Variants in SHANK2 observed in about 807,000 individuals in gnomAD.
SHANK2 encodes the protein SH3 and multiple ankyrin repeat domains protein 2.
SHANK2 carries 43 observed loss-of-function variants against 133.7 expected under a neutral mutation model. That is an observed-to-expected ratio of 0.32 (90% CI 0.25 to 0.41). The LOEUF is 0.41. Among genes scored for constraint, SHANK2 ranks in the 10% least tolerant of loss-of-function variants. The probability of loss-of-function intolerance (pLI) is 1.00; values close to 1 mark genes in which losing one functional copy is unlikely to be tolerated. For missense variants in SHANK2, 1,994 were observed against 2,235.8 expected (o/e 0.89, Z 2.18); for synonymous variants, 1,017 against 952.8 (o/e 1.07, Z -1.24).
intron 2 of SHANK2, among the ~76,000 whole-genome samples, chr11:71,179,939 G>A (rs1016459157): frequency 6.6e-6 from 1 of 152,146 alleles, no homozygotes; most frequent in African/African-American, 2.4e-5. Context: ...CAGATGACTC[G>A]ATAACCGAGG....
At chr11:71,129,509 A>G (rs73521200) in intron 3 of SHANK2, among the ~76,000 whole-genome samples, 7,457 of 152,172 alleles carry the variant, frequency 0.049, 555 homozygotes, top group African/African-American at 0.17. Flanking sequence ...GCCAGGCATG[A>G]TGGTACGTGT....
chr11:70,861,987 G>C (rs1208350076), intron 11 of SHANK2, among the ~76,000 whole-genome samples: 3 of 151,372 alleles, frequency 2.0e-5, no homozygotes, highest in African/African-American at 7.3e-5. Flanking sequence ...AGGGGGCAGG[G>C]GCAAAAAAAA....
chr11:70,599,893 G>GAAAGAAAGAA (rs1565166153), intron 17 of SHANK2, among the ~76,000 whole-genome samples: 3,927 of 92,306 alleles, frequency 0.043, 310 homozygotes, highest in Middle Eastern at 0.049. Context: ...GAAAGAAAAA[G>GAAAGAAAGAA]AAAGAAAGAA....
intron 17 of SHANK2, among the ~76,000 whole-genome samples, chr11:70,622,793 C>T (rs1317951612): frequency 6.6e-6 from 1 of 152,012 alleles, no homozygotes; most frequent in East Asian, 1.9e-4. Context: ...ATCCAGTCTC[C>T]GAACGGAAGT....
chr11:71,134,416 T>A (rs1952396650), intron 3 of SHANK2, among the ~76,000 whole-genome samples: 1 of 151,122 alleles, frequency 6.6e-6, no homozygotes, highest in Non-Finnish European at 1.5e-5. Context: ...GGGTGAATTA[T>A]ATGGCATGTA....
chr11:70,715,416 C>T (rs58446073), intron 14 of SHANK2, among the ~76,000 whole-genome samples: 8,556 of 152,228 alleles, frequency 0.056, 805 homozygotes, highest in African/African-American at 0.2. Flanking sequence ...GTGGACTTCT[C>T]TTTTGCCCAC....
At position 71,069,197 on chromosome 11, in the gene SHANK2, A is replaced by G. The variant is rs1055521400; in HGVS notation, c.1029+5962T>C. On this transcript the variant is annotated intron_variant, in intron 9 of 25. Transcript: ENST00000601538. The stretch of plus-strand genomic sequence containing the variant: ...ATCATCAGCACCATCACTATCAACC[A>G]CCATCATCACCATCACTGTCACCAT... Among the ~76,000 whole-genome samples the G allele has an allele frequency of 3.3e-5, 5 of 150,810 alleles. No homozygotes were observed. In the East Asian group the frequency reaches 7.9e-4, roughly 24 times the overall value.
rs1317039255 is a variant in SHANK2, at chr11:71,159,562, G to C, written c.-12-12224C>G. On this transcript the variant is annotated intron_variant, in intron 2 of 25. Transcript: ENST00000601538. ...TAGCCAGCCACAAATATGTTCAATT[G>C]TTATTTGCTCAATAAAACAAGGCGA... Among the ~76,000 whole-genome samples, 5 of 152,156 alleles carry C rather than the reference G, an allele frequency of 3.3e-5. 1 individual carries two copies. Among genetic ancestry groups the C allele is most frequent in the Admixed American group, 3.3e-4 (5 of 15,274 alleles).
intron 17 of SHANK2, among the ~76,000 whole-genome samples, chr11:70,527,686 A>G (rs1189217973): frequency 6.6e-6 from 1 of 152,186 alleles, no homozygotes; most frequent in Non-Finnish European, 1.5e-5. Context: ...CTGGCCATTC[A>G]TGTGGCCTCT....
chr11:71,111,796 T>C (rs1182880119), intron 5 of SHANK2, among the ~76,000 whole-genome samples: 1 of 152,254 alleles, frequency 6.6e-6, no homozygotes, highest in Non-Finnish European at 1.5e-5. Context: ...CAAATCAGCA[T>C]TTTTAAAATT....
intron 3 of SHANK2, among the ~76,000 whole-genome samples, chr11:71,123,654 A>G (rs1164691382): frequency 4.6e-5 from 7 of 152,198 alleles, no homozygotes; most frequent in Middle Eastern, 3.2e-3. Flanking sequence ...GGAGAACAGT[A>G]TCTGATTCTG....
chr11:71,106,298 A>G (rs1214635394), intron 6 of SHANK2, among the ~76,000 whole-genome samples: 1 of 152,236 alleles, frequency 6.6e-6, no homozygotes, highest in African/African-American at 2.4e-5. Context: ...TTCTGCCTTA[A>G]ATTTTAAAAT....
chr11:70,935,303 C>G (rs1366495931), intron 10 of SHANK2, among the ~76,000 whole-genome samples: 2 of 152,150 alleles, frequency 1.3e-5, no homozygotes, highest in Non-Finnish European at 2.9e-5. Flanking sequence ...ATGTAGGGGT[C>G]TGTACTAGCC....
chr11:70,873,891 T>G (rs1949512375), intron 11 of SHANK2, among the ~76,000 whole-genome samples: 1 of 152,138 alleles, frequency 6.6e-6, no homozygotes, highest in African/African-American at 2.4e-5. Flanking sequence ...CTGGGCAAGC[T>G]GCCCTCAAAA....
intron 17 of SHANK2, among the ~76,000 whole-genome samples, chr11:70,531,102 G>A (rs971397113): frequency 1.2e-4 from 15 of 127,704 alleles, no homozygotes; most frequent in African/African-American, 4.4e-4. Context: ...AGGTTGCAAT[G>A]AGCCAAGATG....
At chr11:70,945,610 T>G (rs544404386) in intron 10 of SHANK2, among the ~76,000 whole-genome samples, 1 of 152,178 alleles carries the variant, frequency 6.6e-6, no homozygotes, top group Non-Finnish European at 1.5e-5. Context: ...ACTAAGCTCA[T>G]GGAGAGCCTT....
At chr11:70,665,186 G>A (rs1944656179) in intron 15 of SHANK2, among the ~76,000 whole-genome samples, 1 of 152,176 alleles carries the variant, frequency 6.6e-6, no homozygotes, top group African/African-American at 2.4e-5. Flanking sequence ...TGCCACTCAG[G>A]CTGGAGTGCA....
rs963359006 is a variant in SHANK2 at position 71,110,370 on chromosome 11, G to A, written c.484-321C>T. 3.9e-5 allele frequency among the ~76,000 whole-genome samples: 6 copies of A among 152,116 alleles called. No homozygotes were observed. The South Asian group carries it at 6.2e-4, about 16-fold the overall frequency. ...GGAGAATGGCATGAACCTGGGAGGC[G>A]GAGCTTGCAGTGAGCCGAGATCGCG... On this transcript the variant is annotated intron_variant, in intron 5 of 25. Coordinates refer to ENST00000601538, the MANE Select transcript of SHANK2 (RefSeq NM_012309.5).
chr11:70,641,365 T>TTACA (rs1327408432), intron 17 of SHANK2, among the ~76,000 whole-genome samples: 1 of 152,162 alleles, frequency 6.6e-6, no homozygotes, highest in Non-Finnish European at 1.5e-5. Flanking sequence ...AGTGCTGGGA[T>TTACA]TACAGGCATA....
Sources: allele counts gnomAD v4.1 joint callset (sites outside exome capture counted in the v4.1 genomes callset), GRCh38; gene constraint gnomAD v4.1.1; transcripts MANE v1.5; gene names NCBI Gene and HGNC (gene_info 2026-07-23, HGNC 2026-07-21).